RBL1: variants seen among roughly 807,000 people sequenced by gnomAD.
RBL1 encodes retinoblastoma-like protein 1.
A neutral mutation model predicts 123.0 loss-of-function variants in RBL1; 82 were observed. The observed-to-expected ratio is 0.67, with a 90% confidence interval of 0.56 to 0.80. RBL1 has a LOEUF of 0.80. Ranked by LOEUF, RBL1 falls within the 30% of genes least tolerant of loss-of-function variation. The pLI is 0.00. For synonymous variants in RBL1, 405 were observed against 441.3 expected (o/e 0.92, Z 1.03); for missense variants, 1,171 against 1,299.6 (o/e 0.90, Z 1.52).
At chr20:37,044,284 T>C (rs773073721) in intron 12 of RBL1, 34 bp from the exon 13 acceptor site, 7 of 1,608,370 alleles carry the variant, frequency 4.4e-6, no homozygotes, top group Admixed American at 1.7e-5. Context: ...CAATGTGGTT[T>C]CAAGCAGTTA....
In RBL1 at chr20:37,066,712, T is replaced by C. The variant is rs1292001803; in HGVS notation, c.846+12A>G. ...TGTAAACATCTCAGTCATCTAATTA[T>C]AAGTACAGTACCTTCCTGTCAAAGA... On this transcript the variant is annotated intron_variant, in intron 6 of 21. Coordinates refer to ENST00000373664, the MANE Select transcript of RBL1 (RefSeq NM_002895.5). The C allele has an allele frequency of 6.3e-7, 1 of 1,596,642 alleles. No individual in the cohort carries two copies. Among genetic ancestry groups the C allele is most frequent in the Non-Finnish European group, 8.5e-7 (1 of 1,170,196 alleles).
rs144839968 is a variant in RBL1 at position 37,071,605 on chromosome 20, A to G, written c.291-3419T>C. ...TGAGGGGTTGAAGCTGCAGTGAGTC[A>G]TGAACATGCTACTGCCTGGGCAAGA... On this transcript the variant is annotated intron_variant, in intron 2 of 21. Transcript: ENST00000373664. Among the ~76,000 whole-genome samples the G allele has an allele frequency of 5.4e-3, 828 of 152,316 alleles. 2 individuals carry two copies. The highest frequency in any genetic ancestry group is 0.019 in the African/African-American group (789 of 41,562).
Position 37,004,542 on chromosome 20 carries a change from G to A in RBL1, c.2872-676C>T, listed in dbSNP as rs1276731525. ...AGCCTGGCCAACATGGTGAAACTCC[G>A]TCTCCACTAAAAATGCAAAAATTAG... is the stretch of plus-strand genomic sequence containing the variant. On this transcript the variant is annotated intron_variant, in intron 20 of 21. Transcript: ENST00000373664. Among the ~76,000 whole-genome samples the A allele has an allele frequency of 5.9e-5, 8 of 134,880 alleles. No homozygotes were observed. In the East Asian group the frequency reaches 1.6e-3, roughly 28 times the overall value. The allele number at this position is 134,880 out of a possible 152,430, so 88.5% of individuals were successfully genotyped here.
intron 19 of RBL1, among the ~76,000 whole-genome samples, chr20:37,017,620 T>TTGTGTGTGTGTGTGTGTGTG (rs147347259): frequency 0.037 from 5,135 of 139,714 alleles, 150 homozygotes; most frequent in African/African-American, 0.05. Flanking sequence ...GGACATTTTC[T>TTGTGTGTGTGTGTGTGTGTG]TGTGTGTGTG....
intron 1 of RBL1, among the ~76,000 whole-genome samples, chr20:37,091,652 C>G (rs1413763036): frequency 2.2e-5 from 3 of 136,290 alleles, no homozygotes; most frequent in Non-Finnish European, 4.6e-5. Flanking sequence ...GGTGAAAGAA[C>G]GAGACTCTAT....
intron 15 of RBL1, among the ~76,000 whole-genome samples, chr20:37,034,433 C>G (rs1278416571): frequency 6.6e-6 from 1 of 151,646 alleles, no homozygotes; most frequent in Non-Finnish European, 1.5e-5. Flanking sequence ...AGAATTTTTG[C>G]TCAATACATA....
At chr20:37,065,401 C>A (rs1291551697) in intron 7 of RBL1, 23 bp downstream of exon 7, 4 of 1,509,412 alleles carry the variant, frequency 2.7e-6, no homozygotes, top group South Asian at 1.2e-5. Context: ...ATAAGCCAGG[C>A]ACCATTAGTA....
rs112383107 is a variant in RBL1, at chr20:37,060,782, C to CA, written c.1250+320dup. Among the ~76,000 whole-genome samples the CA allele has an allele frequency of 8.0e-3, 1,043 of 129,688 alleles. 5 individuals carry two copies. The highest frequency in any genetic ancestry group is 0.012 in the Non-Finnish European group (751 of 60,298). The allele number at this position is 129,688 out of a possible 152,430, so 85.1% of individuals were successfully genotyped here. On this transcript the variant is annotated intron_variant, in intron 9 of 21. Coordinates refer to ENST00000373664, the MANE Select transcript of RBL1 (RefSeq NM_002895.5). The stretch of plus-strand genomic sequence containing the variant: ...TGGGAGACATAGCGAGACCCTGTCT[C>CA]AAAAAAAAAACAAAAAAAAAGGGAG...
In RBL1 at chr20:37,095,755, C is replaced by A; in HGVS notation, c.156+18G>T. The A allele has an allele frequency of 6.4e-7, 1 of 1,571,642 alleles. No individual in the cohort carries two copies. The highest frequency in any genetic ancestry group is 1.1e-5 in the South Asian group (1 of 87,174). ...CTGGCGAGGGTAGGGTCCGGCCGCC[C>A]CACCTGCTGCCGCTCACCTCTAGGC... On this transcript the variant is annotated intron_variant, in intron 1 of 21. Coordinates refer to ENST00000373664, the MANE Select transcript of RBL1 (RefSeq NM_002895.5).
chr20:37,093,940 G>GGGT, intron 1 of RBL1, among the ~76,000 whole-genome samples: 1 of 151,670 alleles, frequency 6.6e-6, no homozygotes, highest in Non-Finnish European at 1.5e-5. Flanking sequence ...CGTGCGCCCG[G>GGGT]CCAAGACCCT....
intron 13 of RBL1, among the ~76,000 whole-genome samples, chr20:37,043,691 T>C (rs1275980977): frequency 1.3e-5 from 2 of 151,748 alleles, no homozygotes; most frequent in African/African-American, 4.8e-5. Flanking sequence ...GGAAATGAAA[T>C]ACCGATACAT....
At chr20:37,015,354 TG>T (rs1266366514) in intron 19 of RBL1, among the ~76,000 whole-genome samples, 6 of 151,970 alleles carry the variant, frequency 3.9e-5, no homozygotes, top group African/African-American at 1.4e-4. Context: ...CTCTGATGTC[TG>T]GTTTTGTAGG....
At chr20:37,022,593 C>T (rs1249486893) in intron 17 of RBL1, 57 bp downstream of exon 17, 1 of 1,487,268 alleles carries the variant, frequency 6.7e-7, no homozygotes, top group South Asian at 1.4e-5. Flanking sequence ...TCCGAAAGTG[C>T]TAGGATTATA....
chr20:37,063,249 T>G (rs1367705134), intron 7 of RBL1, among the ~76,000 whole-genome samples: 4 of 152,108 alleles, frequency 2.6e-5, no homozygotes, highest in African/African-American at 9.7e-5. Flanking sequence ...GGATAGTTTT[T>G]GTACTTTCAG....
intron 2 of RBL1, among the ~76,000 whole-genome samples, chr20:37,073,451 A>G (rs1230082714): frequency 3.3e-5 from 5 of 152,028 alleles, no homozygotes; most frequent in African/African-American, 1.2e-4. Flanking sequence ...TAATCCCAGC[A>G]CTTTGGGTGA....
intron 11 of RBL1, among the ~76,000 whole-genome samples, chr20:37,053,919 T>C (rs1285552673): frequency 6.6e-6 from 1 of 152,020 alleles, no homozygotes; most frequent in Non-Finnish European, 1.5e-5. Context: ...CAATAATGGC[T>C]GAGAGGAGTA....
chr20:37,091,475 C>G (rs2065645534), intron 1 of RBL1, among the ~76,000 whole-genome samples: 1 of 151,802 alleles, frequency 6.6e-6, no homozygotes, highest in African/African-American at 2.4e-5. Flanking sequence ...CAAGATCAGC[C>G]TAGGAAACAT....
intron 15 of RBL1, among the ~76,000 whole-genome samples, chr20:37,033,440 C>T (rs2146249006): frequency 6.6e-6 from 1 of 151,908 alleles, no homozygotes; most frequent in Non-Finnish European, 1.5e-5. Context: ...TCCTCGGCCT[C>T]CCAAAGTGCT....
chr20:37,026,619 G>T (rs566604749), intron 16 of RBL1, among the ~76,000 whole-genome samples: 1 of 151,248 alleles, frequency 6.6e-6, no homozygotes, highest in African/African-American at 2.4e-5. Flanking sequence ...CAGGAGAATT[G>T]CTTGAACCCG....
Sources: allele counts gnomAD v4.1 joint callset (sites outside exome capture counted in the v4.1 genomes callset), GRCh38; gene constraint gnomAD v4.1.1; transcripts MANE v1.5; gene names NCBI Gene and HGNC (gene_info 2026-07-23, HGNC 2026-07-21).